Variants in PDE1A observed in about 807,000 individuals in gnomAD.
The protein encoded by PDE1A is dual specificity calcium/calmodulin-dependent 3',5'-cyclic nucleotide phosphodiesterase 1A.
Under a neutral mutation model 61.7 loss-of-function variants are expected in PDE1A, and 35 were observed. The observed-to-expected ratio is 0.57, with a 90% CI of 0.43 to 0.75. PDE1A has a LOEUF of 0.75. Ranked by LOEUF, PDE1A falls within the 30% of genes least tolerant of loss-of-function variation. The pLI is 0.00. For synonymous variants in PDE1A, 232 were observed against 213.2 expected (o/e 1.09, Z -0.77); for missense variants, 597 against 630.6 (o/e 0.95, Z 0.57).
chr2:182,401,969 G>C (rs915605814), intron 1 of PDE1A, among the ~76,000 whole-genome samples: 5 of 152,064 alleles, frequency 3.3e-5, no homozygotes, highest in African/African-American at 1.2e-4. Flanking sequence ...ACTTACAAGG[G>C]ATGAGAAGGA....
At chr2:182,422,623 A>G (rs1703351687) in intron 1 of PDE1A, among the ~76,000 whole-genome samples, 1 of 152,236 alleles carries the variant, frequency 6.6e-6, no homozygotes, top group Non-Finnish European at 1.5e-5. Flanking sequence ...TGTCTTCAAC[A>G]ATTATTTTAC....
chr2:182,615,496 G>C, the PDE1A span, among the ~76,000 whole-genome samples: 1 of 152,172 alleles, frequency 6.6e-6, no homozygotes, highest in African/African-American at 2.4e-5. Flanking sequence ...TATGTCATTA[G>C]ATGCTAAATT....
rs1309546751 is a variant in PDE1A at position 182,147,452 on chromosome 2, G to GT, written c.1517-301dup. ...TATTAAATCCCATGTAAAAAATCAT[G>GT]TTTTTTCTGAATATTTTTTAATTGG... On this transcript the variant is annotated intron_variant, in intron 13 of 13. Coordinates refer to the PDE1A transcript ENST00000409365. Among the ~76,000 whole-genome samples the GT allele has an allele frequency of 1.3e-5, 2 of 152,088 alleles. 1 individual carries two copies. Among genetic ancestry groups the GT allele is most frequent in the South Asian group, 4.1e-4 (2 of 4,822 alleles).
intron 7 of PDE1A, among the ~76,000 whole-genome samples, chr2:182,211,608 G>T (rs929240621): frequency 6.6e-6 from 1 of 152,176 alleles, no homozygotes; most frequent in Non-Finnish European, 1.5e-5. Flanking sequence ...AAGTTGCGAA[G>T]AACTGACATC....
At chr2:182,672,940 CA>C in the PDE1A span, among the ~76,000 whole-genome samples, 26 of 152,208 alleles carry the variant, frequency 1.7e-4, no homozygotes, top group African/African-American at 6.3e-4. Context: ...CCATCCTCGT[CA>C]TATTCTCATG....
chr2:182,581,717 T>C, the PDE1A span, among the ~76,000 whole-genome samples: 1 of 152,144 alleles, frequency 6.6e-6, no homozygotes, highest in Admixed American at 6.6e-5. Context: ...CTATTTTATC[T>C]GGACAGAAAC....
intron 2 of PDE1A, among the ~76,000 whole-genome samples, chr2:182,503,203 G>A (rs1689200779): frequency 6.6e-6 from 1 of 151,972 alleles, no homozygotes; most frequent in Non-Finnish European, 1.5e-5. Context: ...ACCTCCAAAG[G>A]CACCAATGTC....
intron 1 of PDE1A, among the ~76,000 whole-genome samples, chr2:182,392,898 C>T (rs1305851854): frequency 3.9e-5 from 6 of 152,270 alleles, no homozygotes; most frequent in Admixed American, 1.3e-4. Context: ...TTGCAGGGTA[C>T]AGCCTCCCTC....
rs1346539147 is a variant in PDE1A at position 182,217,500 on chromosome 2, A to C, written c.776+6364T>G. Among the ~76,000 whole-genome samples, 7 of 139,600 alleles carry C rather than the reference A, an allele frequency of 5.0e-5. No individual in the cohort carries two copies. In the East Asian group the frequency reaches 6.3e-4, roughly 13 times the overall value. 91.6% of individuals were successfully genotyped at this position (139,600 alleles called of 152,430 possible). On this transcript the variant is annotated intron_variant, in intron 7 of 13. Coordinates refer to ENST00000351439, the Ensembl canonical transcript of PDE1A. ...ACAGGCAACCTACAAAATGGGAGAA[A>C]ATTTTCGCAACCTACTCATCTGACA...
chr2:182,154,987 A>G (rs1325706765), intron 13 of PDE1A, among the ~76,000 whole-genome samples: 1 of 151,304 alleles, frequency 6.6e-6, no homozygotes, highest in East Asian at 1.9e-4. Context: ...TAATTTTACC[A>G]CTTATCTGAA....
chr2:182,678,867 T>C, the PDE1A span, among the ~76,000 whole-genome samples: 4 of 152,206 alleles, frequency 2.6e-5, no homozygotes, highest in Non-Finnish European at 5.9e-5. Flanking sequence ...AGATGATTAC[T>C]TTCTAATGTT....
In PDE1A at chr2:182,175,107, G is replaced by A. The variant is rs559290217; in HGVS notation, c.1517-6817C>T. Among the ~76,000 whole-genome samples, 55 of 152,278 alleles carry A rather than the reference G, an allele frequency of 3.6e-4. No individual in the cohort carries two copies. The South Asian group carries it at 5.0e-3, about 14-fold the overall frequency. On this transcript the variant is annotated intron_variant, in intron 13 of 13. Coordinates refer to ENST00000351439, the Ensembl canonical transcript of PDE1A. ...TTTAATGGCTGCATAGTATTCCATG[G>A]TGTATACATGCCACATTTTCTTTAT...
intron 1 of PDE1A, among the ~76,000 whole-genome samples, chr2:182,332,136 C>T (rs1040072685): frequency 1.3e-5 from 2 of 152,136 alleles, no homozygotes; most frequent in African/African-American, 2.4e-5. Context: ...TCCGCTTCAT[C>T]GATTCAGCTA....
intron 2 of PDE1A, among the ~76,000 whole-genome samples, chr2:182,473,340 C>T (rs1020228377): frequency 1.3e-5 from 2 of 151,836 alleles, no homozygotes; most frequent in Non-Finnish European, 2.9e-5. Context: ...AGTGAACAGG[C>T]AACCTACAAA....
At chr2:182,611,168 C>G in the PDE1A span, among the ~76,000 whole-genome samples, 1 of 152,162 alleles carries the variant, frequency 6.6e-6, no homozygotes, top group East Asian at 1.9e-4. Context: ...ACCTACAATA[C>G]GTAAGTGAGT....
At chr2:182,709,336 T>C in the PDE1A span, among the ~76,000 whole-genome samples, 1 of 152,184 alleles carries the variant, frequency 6.6e-6, no homozygotes, top group African/African-American at 2.4e-5. Flanking sequence ...GGGCCAGACA[T>C]AATAACTTTA....
chr2:182,386,768 C>G (rs970749266), intron 1 of PDE1A, among the ~76,000 whole-genome samples: 3 of 151,804 alleles, frequency 2.0e-5, no homozygotes, highest in African/African-American at 7.2e-5. Context: ...GGCCAGCCCC[C>G]ACCCGGCCAG....
chr2:182,314,401 G>C (rs140641366), intron 1 of PDE1A: 58 of 152,286 alleles, frequency 3.8e-4, no homozygotes, highest in African/African-American at 1.3e-3. Context: ...GGGAGTGCGA[G>C]ACCACCAGGT....
chr2:182,535,073 G>A, the PDE1A span, among the ~76,000 whole-genome samples: 1 of 143,052 alleles, frequency 7.0e-6, no homozygotes, highest in Non-Finnish European at 1.6e-5. Context: ...CTTATCAAAA[G>A]TATTTTTTTA....
Sources: gnomAD v4.1 joint callset for allele counts (sites outside exome capture counted in the v4.1 genomes callset) on GRCh38, gnomAD v4.1.1 for gene constraint, MANE v1.5 for transcripts, NCBI Gene and HGNC (gene_info 2026-07-23, HGNC 2026-07-21) for gene names.